Variants in TTC7B observed in about 807,000 individuals in gnomAD.
TTC7B encodes the protein tetratricopeptide repeat domain 7B.
TTC7B carries 28 observed loss-of-function variants against 106.8 expected under a neutral mutation model. The observed-to-expected ratio is 0.26, with a 90% CI of 0.19 to 0.36. The LOEUF is 0.36. Ranked by LOEUF, TTC7B falls within the 10% of genes least tolerant of loss-of-function variation. TTC7B has a pLI of 1.00. For missense variants in TTC7B, 862 were observed against 1,076.4 expected (o/e 0.80, Z 2.79); for synonymous variants, 405 against 430.6 (o/e 0.94, Z 0.74).
chr14:90,530,311 A>T lies in TTC7B; in HGVS notation c.*11057T>A, dbSNP rs1379573255. On this transcript the variant is annotated 3_prime_UTR_variant, in exon 20 of 20. Transcript: ENST00000328459. Reference sequence around the variant, plus strand: ...TACTCATGGGAGAATGCTGCAAGACAACAGGCCAAAATGCTGAGAAGGTGA... The same window carrying T: ...TACTCATGGGAGAATGCTGCAAGACTACAGGCCAAAATGCTGAGAAGGTGA... 1 of 152,210 alleles carries T rather than the reference A, an allele frequency of 6.6e-6. No homozygotes were observed. The highest frequency in any genetic ancestry group is 1.5e-5 in the Non-Finnish European group (1 of 68,042). The allele number at this position is 152,210 out of a possible 1,614,324, so 9.4% of individuals were successfully genotyped here. A position where few individuals can be genotyped will look rare whatever the true frequency, so the allele number is the denominator to read the frequency against.
chr14:90,807,391 G>A lies in TTC7B; in HGVS notation c.121+8784C>T, dbSNP rs765073263. ...GTCTAAAGTCTGGTCCTAGAACTCC[G>A]GGCACCATAATCACTTGGGGCCCTG... On this transcript the variant is annotated intron_variant, in intron 1 of 19. Coordinates refer to ENST00000328459, the MANE Select transcript of TTC7B (RefSeq NM_001010854.2). This position sits in a 1 kb window ranked among gnomAD's most constrained non-coding sequence, Gnocchi z 4.1. Among the ~76,000 whole-genome samples, 10 of 152,068 alleles carry A rather than the reference G, an allele frequency of 6.6e-5. No homozygotes were observed. Among genetic ancestry groups the A allele is most frequent in the Admixed American group, 1.3e-4 (2 of 15,258 alleles).
At chr14:90,637,624 T>C (rs1216624547) in intron 15 of TTC7B, among the ~76,000 whole-genome samples, 3 of 152,118 alleles carry the variant, frequency 2.0e-5, no homozygotes, top group Non-Finnish European at 1.5e-5. Flanking sequence ...CTCTAAAAAA[T>C]AAGTAAAGTG....
intron 17 of TTC7B, among the ~76,000 whole-genome samples, chr14:90,609,050 G>A (rs891862712): frequency 3.9e-5 from 6 of 152,210 alleles, no homozygotes; most frequent in African/African-American, 1.4e-4. Context: ...TCACCTTGCA[G>A]TGGCTAGTCC....
chr14:90,689,502 A>G, intron 7 of TTC7B, 38 bp downstream of exon 7: 1 of 1,562,556 alleles, frequency 6.4e-7, no homozygotes, highest in East Asian at 2.3e-5. Flanking sequence ...TTTTCCTCCC[A>G]ACCCATAACC....
At chr14:90,794,101 C>A (rs1260154706) in intron 1 of TTC7B, among the ~76,000 whole-genome samples, 1 of 151,858 alleles carries the variant, frequency 6.6e-6, no homozygotes, top group Non-Finnish European at 1.5e-5. Flanking sequence ...CAGGGTTTCA[C>A]CATGTTGGCC....
chr14:90,634,150 T>C (rs1198092770), intron 15 of TTC7B, among the ~76,000 whole-genome samples: 1 of 152,206 alleles, frequency 6.6e-6, no homozygotes, highest in Non-Finnish European at 1.5e-5. Context: ...GTGCTGGGAC[T>C]ATAGGCATGA....
At chr14:90,543,310 A>C (rs1450952036) in intron 19 of TTC7B, among the ~76,000 whole-genome samples, 1 of 152,148 alleles carries the variant, frequency 6.6e-6, no homozygotes, top group African/African-American at 2.4e-5. Flanking sequence ...CCCTCTTTTA[A>C]GTAGTTGACT....
chr14:90,552,655 A>G (rs2139773806), intron 19 of TTC7B, among the ~76,000 whole-genome samples: 1 of 152,310 alleles, frequency 6.6e-6, no homozygotes, highest in South Asian at 2.1e-4. Flanking sequence ...GAGGGAAGGT[A>G]CCTGCAGTGT....
intron 19 of TTC7B, among the ~76,000 whole-genome samples, chr14:90,548,039 G>A (rs2139768444): frequency 6.6e-6 from 1 of 152,346 alleles, no homozygotes; most frequent in Admixed American, 6.5e-5. Flanking sequence ...CAGGCATAAT[G>A]TTTTGGAAAT....
chr14:90,784,631 C>A (rs1437347282), intron 2 of TTC7B, among the ~76,000 whole-genome samples: 2 of 151,958 alleles, frequency 1.3e-5, no homozygotes, highest in African/African-American at 4.8e-5. Context: ...GTATTGAACT[C>A]CTGGCCTCAA....
chr14:90,728,005 T>G (rs1273610324), intron 5 of TTC7B, among the ~76,000 whole-genome samples: 2 of 152,130 alleles, frequency 1.3e-5, no homozygotes, highest in African/African-American at 4.8e-5. Context: ...CGTAGCCCAC[T>G]GGTATGGGTC....
chr14:90,557,565 C>T (rs1291831362), intron 19 of TTC7B, among the ~76,000 whole-genome samples: 1 of 152,236 alleles, frequency 6.6e-6, no homozygotes, highest in Non-Finnish European at 1.5e-5. Flanking sequence ...CCAACGCAGC[C>T]AGGGAGGGCT....
intron 17 of TTC7B, chr14:90,605,827 A>T: frequency 8.7e-7 from 1 of 1,147,154 alleles, no homozygotes; most frequent in Non-Finnish European, 1.1e-6. Context: ...AGAAAAAAAT[A>T]AACTCGCTTT....
rs951104789 is a variant in TTC7B, at chr14:90,757,842, C to CA, written c.446-12921dup. 1.8e-4 allele frequency among the ~76,000 whole-genome samples: 27 copies of CA among 152,174 alleles called. No homozygotes were observed. The highest frequency in any genetic ancestry group is 3.2e-4 in the Non-Finnish European group (22 of 68,042). Reference sequence around the variant, plus strand: ...TTTGGGCTTTTATAGTCCTTATGACCAGGAATTTTCGGTCCACGAAAAATA... The same window carrying CA: ...TTTGGGCTTTTATAGTCCTTATGACCAAGGAATTTTCGGTCCACGAAAAATA... On this transcript the variant is annotated intron_variant, in intron 3 of 19. Transcript: ENST00000328459. The surrounding 1 kb of genome is among the most constrained non-coding windows in gnomAD (Gnocchi z 4.1).
In TTC7B at chr14:90,535,614, C is replaced by T. The variant is rs1380585962; in HGVS notation, c.*5754G>A. On this transcript the variant is annotated 3_prime_UTR_variant, in exon 20 of 20. Coordinates refer to ENST00000328459, the MANE Select transcript of TTC7B (RefSeq NM_001010854.2). ...GCCCCTTCCCCACCGGACTCCTAAC[C>T]TGTGTTCTCAGCTCCCCTCTGCAGC... The T allele has an allele frequency of 1.3e-5, 2 of 152,618 alleles. No individual in the cohort carries two copies. Among genetic ancestry groups the T allele is most frequent in the Non-Finnish European group, 2.9e-5 (2 of 68,284 alleles). 9.5% of individuals were successfully genotyped at this position (152,618 alleles called of 1,614,324 possible).
rs1025073300 is a variant in TTC7B at position 90,808,089 on chromosome 14, C to T, written c.121+8086G>A. On this transcript the variant is annotated intron_variant, in intron 1 of 19. Coordinates refer to ENST00000328459, the MANE Select transcript of TTC7B (RefSeq NM_001010854.2). The surrounding 1 kb of genome is among the most constrained non-coding windows in gnomAD (Gnocchi z 4.2). The stretch of plus-strand genomic sequence containing the variant: ...AATGAGAATTACCCCTGACATCATT[C>T]GCTTGTTGTGATGATTAACTGAGAT... Among the ~76,000 whole-genome samples the T allele has an allele frequency of 6.6e-6, 1 of 152,226 alleles. No homozygotes were observed. Among genetic ancestry groups the T allele is most frequent in the Non-Finnish European group, 1.5e-5 (1 of 68,040 alleles).
chr14:90,804,670 G>A (rs942301217), intron 1 of TTC7B, among the ~76,000 whole-genome samples: 11 of 152,230 alleles, frequency 7.2e-5, no homozygotes, highest in Non-Finnish European at 1.2e-4. Flanking sequence ...ACTCAGTGGC[G>A]AGTCACCTCC....
chr14:90,646,685 G>A, intron 14 of TTC7B: 1 of 461,294 alleles, frequency 2.2e-6, no homozygotes, highest in East Asian at 4.1e-5. Flanking sequence ...CTGCTCCCCA[G>A]GTTGCCATCT....
rs1889121494 is a variant in TTC7B, at chr14:90,525,316, GA to G, written c.*16051del. The G allele has an allele frequency of 6.6e-6, 1 of 152,224 alleles. No homozygotes were observed. The highest frequency in any genetic ancestry group is 1.5e-5 in the Non-Finnish European group (1 of 68,048). The allele number at this position is 152,224 out of a possible 1,614,324, so 9.4% of individuals were successfully genotyped here. A position where few individuals can be genotyped will look rare whatever the true frequency, so the allele number is the denominator to read the frequency against. On this transcript the variant is annotated 3_prime_UTR_variant, in exon 20 of 20. Coordinates refer to ENST00000328459, the MANE Select transcript of TTC7B (RefSeq NM_001010854.2). The stretch of plus-strand genomic sequence containing the variant: ...ACAGATCACAATTCGCTTCTCCTTT[GA>G]TCTGTTGGTGGACATTTGGATTGTG...
Sources: gnomAD v4.1 joint callset for allele counts (sites outside exome capture counted in the v4.1 genomes callset) on GRCh38, gnomAD v4.1.1 for gene constraint, Gnocchi (gnomAD v3.1) non-coding constraint, MANE v1.5 for transcripts, NCBI Gene and HGNC (gene_info 2026-07-23, HGNC 2026-07-21) for gene names.